The following MEF2C variants were observed in gnomAD, a reference collection of about 807,000 sequenced individuals.
MEF2C encodes the protein myocyte enhancer factor 2C.
A neutral mutation model predicts 50.5 loss-of-function variants in MEF2C; 6 were observed. That is an observed-to-expected ratio of 0.12 (90% CI 0.07 to 0.23). The LOEUF (loss-of-function observed/expected upper bound fraction) is 0.23, where lower values mean the gene tolerates loss of function less well. MEF2C is among the 10% of genes least tolerant of loss of function. MEF2C has a pLI of 1.00. For missense variants in MEF2C, 276 were observed against 605.0 expected (o/e 0.46, Z 5.70); for synonymous variants, 183 against 228.0 (o/e 0.80, Z 1.78).
At chr5:88,788,683 A>T (rs1490569900) in intron 3 of MEF2C, among the ~76,000 whole-genome samples, 1 of 152,194 alleles carries the variant, frequency 6.6e-6, no homozygotes, top group Non-Finnish European at 1.5e-5. Context: ...ATGTAATTTA[A>T]ATTATATTTA....
At chr5:88,848,419 T>C (rs1295155817) in intron 1 of MEF2C, among the ~76,000 whole-genome samples, 1 of 152,150 alleles carries the variant, frequency 6.6e-6, no homozygotes, top group Non-Finnish European at 1.5e-5. Flanking sequence ...ATCCTTAAGG[T>C]AAAAACTCCC....
intron 5 of MEF2C, 65 bp downstream of exon 5, chr5:88,751,792 G>A (rs1343602642): frequency 6.5e-7 from 1 of 1,526,740 alleles, no homozygotes; most frequent in African/African-American, 1.4e-5. Context: ...ATAAAGCAGT[G>A]TTGGCTTTGC....
At chr5:88,789,257 C>G (rs921400724) in intron 3 of MEF2C, among the ~76,000 whole-genome samples, 1 of 151,832 alleles carries the variant, frequency 6.6e-6, no homozygotes, top group African/African-American at 2.4e-5. Context: ...GCCTCAACCT[C>G]TCATGCTCAG....
At chr5:88,812,376 C>A (rs959883697) in intron 2 of MEF2C, among the ~76,000 whole-genome samples, 1 of 152,082 alleles carries the variant, frequency 6.6e-6, no homozygotes, top group Non-Finnish European at 1.5e-5. Context: ...TCTATGGATG[C>A]TCAGACTATG....
intron 3 of MEF2C, among the ~76,000 whole-genome samples, chr5:88,800,068 C>T (rs567284253): frequency 8.7e-4 from 133 of 152,342 alleles, no homozygotes; most frequent in African/African-American, 3.1e-3. Flanking sequence ...TCCCCTTCCA[C>T]ACTTAATCAC....
intron 2 of MEF2C, among the ~76,000 whole-genome samples, chr5:88,810,867 G>A (rs766200519): frequency 3.3e-5 from 5 of 152,068 alleles, no homozygotes; most frequent in Admixed American, 6.6e-5. Context: ...GGTGATAAGA[G>A]TCTATATCCA....
At chr5:88,899,339 T>C (rs1835410312) in intron 1 of MEF2C, among the ~76,000 whole-genome samples, 2 of 152,298 alleles carry the variant, frequency 1.3e-5, no homozygotes, top group South Asian at 4.1e-4. Context: ...GCCCAGTCAT[T>C]GCAGACAGGA....
At chr5:88,733,192 A>C (rs1337681489) in intron 6 of MEF2C, 2 of 985,202 alleles carry the variant, frequency 2.0e-6, no homozygotes, top group Admixed American at 6.2e-5. Flanking sequence ...GAGGGCCTTA[A>C]AGAAAGGCCA....
chr5:88,887,894 T>C (rs534918939), upstream of MEF2C, among the ~76,000 whole-genome samples: 1 of 152,346 alleles, frequency 6.6e-6, no homozygotes, highest in African/African-American at 2.4e-5. Flanking sequence ...ACAAAGGATT[T>C]GTTATTTCAA....
intron 9 of MEF2C, among the ~76,000 whole-genome samples, chr5:88,728,960 A>C (rs1760182192): frequency 1.3e-5 from 2 of 152,202 alleles, no homozygotes; most frequent in Admixed American, 1.3e-4. Flanking sequence ...GCTTTTTATT[A>C]CATCAAAGAA....
chr5:88,743,258 AC>A, intron 6 of MEF2C: 1 of 984,836 alleles, frequency 1.0e-6, no homozygotes, highest in Non-Finnish European at 1.2e-6. Flanking sequence ...TTCCTGGGCA[AC>A]AAAAAATGCA....
At chr5:88,854,940 T>A (rs1822743936) in intron 1 of MEF2C, among the ~76,000 whole-genome samples, 1 of 152,194 alleles carries the variant, frequency 6.6e-6, no homozygotes, top group Non-Finnish European at 1.5e-5. Context: ...CTGAGATTCA[T>A]TCTAATTTTA....
intron 1 of MEF2C, among the ~76,000 whole-genome samples, chr5:88,855,660 G>A (rs188850537): frequency 1.4e-4 from 21 of 152,260 alleles, no homozygotes; most frequent in African/African-American, 4.3e-4. Context: ...TAGTAAGTGA[G>A]TTCTCATGAG....
intron 3 of MEF2C, among the ~76,000 whole-genome samples, chr5:88,784,417 G>T (rs1355974427): frequency 6.6e-6 from 1 of 152,106 alleles, no homozygotes; most frequent in Non-Finnish European, 1.5e-5. Flanking sequence ...GATAAATTAT[G>T]TATAACATAT....
chr5:88,769,890 C>G (rs1561925105), intron 3 of MEF2C: 37 of 877,254 alleles, frequency 4.2e-5, no homozygotes, highest in Non-Finnish European at 4.9e-5. Context: ...ATGTAATCCA[C>G]CCACCTAAGC....
intron 1 of MEF2C, among the ~76,000 whole-genome samples, chr5:88,841,092 G>C (rs141123871): frequency 6.6e-6 from 1 of 152,204 alleles, no homozygotes; most frequent in East Asian, 1.9e-4. Flanking sequence ...GGTTCCCAGC[G>C]TCATCCTTCA....
intron 2 of MEF2C, 79 bp downstream of exon 2, chr5:88,823,656 G>C (rs1006032304): frequency 8.5e-6 from 11 of 1,299,376 alleles, no homozygotes; most frequent in African/African-American, 1.5e-5. Context: ...ACAGATTCAA[G>C]ATATTTTCTG....
intron 1 of MEF2C, among the ~76,000 whole-genome samples, chr5:88,879,445 T>G (rs1265942672): frequency 2.0e-5 from 3 of 151,668 alleles, no homozygotes; most frequent in Admixed American, 6.6e-5. Flanking sequence ...ATATATGGAT[T>G]CATAACTATG....
At chr5:88,754,204 T>C (rs1432659583) in intron 4 of MEF2C, among the ~76,000 whole-genome samples, 1 of 152,170 alleles carries the variant, frequency 6.6e-6, no homozygotes, top group Non-Finnish European at 1.5e-5. Flanking sequence ...TTTTTTATAG[T>C]GGCATCATCC....
Sources: allele counts gnomAD v4.1 joint callset (sites outside exome capture counted in the v4.1 genomes callset), GRCh38; gene constraint gnomAD v4.1.1; transcripts MANE v1.5; gene names NCBI Gene and HGNC (gene_info 2026-07-23, HGNC 2026-07-21).